Variants in SCN1B observed in about 807,000 individuals in gnomAD.
SCN1B encodes sodium voltage-gated channel beta subunit 1.
SCN1B carries 11 observed loss-of-function variants against 25.7 expected under a neutral mutation model. The ratio of observed to expected loss-of-function variants is 0.43; its 90% confidence interval spans 0.27 to 0.71. The LOEUF is 0.71. Among genes scored for constraint, SCN1B ranks in the 30% least tolerant of loss-of-function variants. SCN1B has a pLI of 0.21. For synonymous variants in SCN1B, 119 were observed against 117.5 expected, an observed-to-expected ratio of 1.01 and a Z score of -0.08; for missense variants, 224 against 291.5, an observed-to-expected ratio of 0.77 and a Z score of 1.69.
At chr19:35,035,109 T>A (rs910185817) in intron 3 of SCN1B, 2 of 152,102 alleles carry the variant, frequency 1.3e-5, no homozygotes, top group Non-Finnish European at 2.9e-5. Context: ...ACTGGGACTT[T>A]ACAAAACCTG....
At chr19:35,039,021 T>C in intron 3 of SCN1B, 96 bp from the exon 4 acceptor site, 2 of 1,418,134 alleles carry the variant, frequency 1.4e-6, no homozygotes, top group Non-Finnish European at 9.9e-7. Context: ...CCCAGGGAGG[T>C]TGAGCCACTC....
chr19:35,034,173 A>C, intron 3 of SCN1B: 1 of 1,546,854 alleles, frequency 6.5e-7, no homozygotes, highest in South Asian at 1.2e-5. Context: ...AGAGCCTTGC[A>C]GGTGGTGGCG....
chr19:35,035,537 C>T (rs1450515357), intron 3 of SCN1B: 1 of 152,218 alleles, frequency 6.6e-6, no homozygotes, highest in African/African-American at 2.4e-5. Context: ...TAATGATCCA[C>T]CTGCCTTGGC....
At chr19:35,039,384 C>G in intron 4 of SCN1B, 126 bp downstream of exon 4, 1 of 1,346,628 alleles carries the variant, frequency 7.4e-7, no homozygotes, top group African/African-American at 1.4e-5. Context: ...TCAGTACTAC[C>G]CAGAGGGGAG....
intron 1 of SCN1B, chr19:35,031,523 A>T (rs2064214131): frequency 6.6e-6 from 1 of 152,318 alleles, no homozygotes; most frequent in African/African-American, 2.4e-5. Flanking sequence ...AGACGTAGAA[A>T]GGTGGAAAGA....
At position 35,039,235 on chromosome 19, in the gene SCN1B, G is replaced by C; in HGVS notation, c.567G>C (p.Thr189=). ...GCTACAAGAAGATCGCTGCCGCCAC[G>C]GAGACTGCTGCACAGGAGAATGCGT... ...IYCYKKIAAA[T]ETAAQENASE... The change falls in exon 4 of 6, where the codon ACG becomes ACC. Residue 189 remains threonine (T), a synonymous_variant. Transcript: ENST00000262631. The C allele has an allele frequency of 6.2e-7, 1 of 1,613,830 alleles. No homozygotes were observed. The highest frequency in any genetic ancestry group is 8.5e-7 in the Non-Finnish European group (1 of 1,180,028).
chr19:35,032,492 G>A lies in SCN1B; in HGVS notation c.41-36G>A, dbSNP rs2064219983. The A allele has an allele frequency of 3.1e-6, 5 of 1,611,134 alleles. No individual in the cohort carries two copies. The highest frequency in any genetic ancestry group is 4.2e-6 in the Non-Finnish European group (5 of 1,179,652). On this transcript the variant is annotated intron_variant, in intron 1 of 5. Coordinates refer to ENST00000262631, the MANE Select transcript of SCN1B (RefSeq NM_001037.5). This position sits in a 1 kb window ranked among gnomAD's most constrained non-coding sequence, Gnocchi z 4.3. ...GGTCTGGCATTGCTTAGGGCAATGG[G>A]TGCCTCTGCCTGACCTGAGCCTGCT...
rs67486287 is a variant in SCN1B at position 35,034,040 on chromosome 19, G to C, written c.448+301G>C. 0.14 allele frequency: 220,001 copies of C among 1,549,996 alleles called. 16,715 individuals are homozygous for C. Among genetic ancestry groups the C allele is most frequent in the East Asian group, 0.2 (7,983 of 40,886 alleles). ...AGGTGCCTTCTGTCTCTGAGCCAAA[G>C]GGTTGTCCTGGGCTTGCCCGGGATA... On this transcript the variant is annotated intron_variant, in intron 3 of 5. Coordinates refer to ENST00000262631, the MANE Select transcript of SCN1B (RefSeq NM_001037.5).
intron 3 of SCN1B, chr19:35,036,091 C>T (rs1006052554): frequency 2.0e-5 from 3 of 150,796 alleles, no homozygotes; most frequent in Admixed American, 1.3e-4. Flanking sequence ...TGGTCTTGAA[C>T]TCCTGGCCTC....
At chr19:35,039,405 C>T (rs1311781407) in intron 4 of SCN1B, 147 bp downstream of exon 4, 14 of 1,192,424 alleles carry the variant, frequency 1.2e-5, no homozygotes, top group Non-Finnish European at 1.6e-5. Context: ...TGCTCCCTGT[C>T]AGACACAGGA....
Position 35,030,805 on chromosome 19 carries a change from C to A in SCN1B, c.-16C>A. ...CCGGCGGCCCGGGAGGGGGGCGCAG[C>A]ACGCGCCGCGCAGCCATGGGGAGGC... On this transcript the variant is annotated 5_prime_UTR_variant, in exon 1 of 6. Transcript: ENST00000262631. 9.4e-7 allele frequency: 1 copy of A among 1,061,870 alleles called. No individual in the cohort carries two copies. The highest frequency in any genetic ancestry group is 2.1e-5 in the South Asian group (1 of 48,244). The allele number at this position is 1,061,870 out of a possible 1,614,324, so 65.8% of individuals were successfully genotyped here.
At chr19:35,039,402 TGTCAGACACAGGATAGGGGTC>T in intron 4 of SCN1B, 144 bp downstream of exon 4, 1 of 1,210,436 alleles carries the variant, frequency 8.3e-7, no homozygotes. Flanking sequence ...GAGTGCTCCC[TGTCAGACACAGGATAGGGGTC>T]GTCAGACCCA....
chr19:35,032,741 T>A lies in SCN1B; in HGVS notation c.207+47T>A. On this transcript the variant is annotated intron_variant, in intron 2 of 5. Transcript: ENST00000262631. This position sits in a 1 kb window ranked among gnomAD's most constrained non-coding sequence, Gnocchi z 4.3. ...GCATGGGAGGGCAGGGGTCCACGAG[T>A]GGGAGGCGGTGGGGCTGGATCTCAG... is the stretch of plus-strand genomic sequence containing the variant. The A allele has an allele frequency of 6.3e-7, 1 of 1,593,432 alleles. No individual in the cohort carries two copies. Among genetic ancestry groups the A allele is most frequent in the Non-Finnish European group, 8.6e-7 (1 of 1,165,364 alleles).
At chr19:35,039,313 A>T in intron 4 of SCN1B, 55 bp downstream of exon 4, 2 of 1,604,182 alleles carry the variant, frequency 1.2e-6, no homozygotes. Context: ...CACACTTGCC[A>T]GAGAGGAACT....
At chr19:35,036,999 C>T (rs1391078227) in intron 3 of SCN1B, 1 of 152,194 alleles carries the variant, frequency 6.6e-6, no homozygotes, top group Non-Finnish European at 1.5e-5. Flanking sequence ...TCCAGTGATT[C>T]ACCCACCTTG....
Position 35,039,098 on chromosome 19 carries a change from C to T in SCN1B, c.449-19C>T. 1.2e-6 allele frequency: 2 copies of T among 1,614,094 alleles called. No individual in the cohort carries two copies. Among genetic ancestry groups the T allele is most frequent in the Non-Finnish European group, 1.7e-6 (2 of 1,180,010 alleles). ...CATGCAGCCTGGGCTACCCCCTTAA[C>T]CCTGCCTGGCCCCTGCAGCCAACAG... On this transcript the variant is annotated intron_variant, in intron 3 of 5. Coordinates refer to ENST00000262631, the MANE Select transcript of SCN1B (RefSeq NM_001037.5).
Position 35,039,832 on chromosome 19 carries a change from A to G in SCN1B, c.*41A>G. ...CCGCCTCAAGGAAGAGCCAGCCGTA[A>G]TGGGGACTCTCCAGGCACCGCCTGC... On this transcript the variant is annotated 3_prime_UTR_variant, in exon 6 of 6. Coordinates refer to ENST00000262631, the MANE Select transcript of SCN1B (RefSeq NM_001037.5). 3 of 982,628 alleles carry G rather than the reference A, an allele frequency of 3.1e-6. No individual in the cohort carries two copies. Among genetic ancestry groups the G allele is most frequent in the Non-Finnish European group, 4.6e-6 (3 of 647,152 alleles). The allele number at this position is 982,628 out of a possible 1,614,324, so 60.9% of individuals were successfully genotyped here.
At chr19:35,037,103 A>G (rs530000928) in intron 3 of SCN1B, 1 of 152,168 alleles carries the variant, frequency 6.6e-6, no homozygotes, top group Admixed American at 6.6e-5. Flanking sequence ...AGTATTGCCC[A>G]TCGACCTATA....
At chr19:35,033,412 G>T in intron 2 of SCN1B, 87 bp from the exon 3 acceptor site, 1 of 1,598,694 alleles carries the variant, frequency 6.3e-7, no homozygotes, top group Non-Finnish European at 8.5e-7. Context: ...CTGTGTTTGT[G>T]GGTGTCAGGG....
Sources: gnomAD v4.1 joint callset for allele counts on GRCh38, gnomAD v4.1.1 for gene constraint, Gnocchi (gnomAD v3.1) non-coding constraint, MANE v1.5 for transcripts, NCBI Gene and HGNC (gene_info 2026-07-23, HGNC 2026-07-21) for gene names.